ANKIB1: variants seen among roughly 807,000 people sequenced by gnomAD.
ANKIB1 encodes ankyrin repeat and IBR domain-containing protein 1.
ANKIB1 carries 43 observed loss-of-function variants against 122.1 expected under a neutral mutation model. The ratio of observed to expected loss-of-function variants is 0.35; its 90% CI spans 0.28 to 0.45. The LOEUF (loss-of-function observed/expected upper bound fraction) is 0.45. Among genes scored for constraint, ANKIB1 ranks in the 20% least tolerant of loss-of-function variants. ANKIB1 has a pLI of 1.00. For synonymous variants in ANKIB1, 390 were observed against 442.0 expected (o/e 0.88, Z 1.48); for missense variants, 992 against 1,329.5 (o/e 0.75, Z 3.95).
At chr7:92,361,936 A>G (rs1803957262) in intron 9 of ANKIB1, among the ~76,000 whole-genome samples, 1 of 151,862 alleles carries the variant, frequency 6.6e-6, no homozygotes, top group South Asian at 2.1e-4. Flanking sequence ...CAGCCTCCTG[A>G]GTAGCTGGGA....
intron 3 of ANKIB1, among the ~76,000 whole-genome samples, chr7:92,312,345 T>A (rs1221465532): frequency 6.6e-6 from 1 of 152,206 alleles, no homozygotes; most frequent in Non-Finnish European, 1.5e-5. Context: ...ATGATAAACA[T>A]TTGTTAAGGA....
At chr7:92,286,630 C>G (rs1182974332) in intron 1 of ANKIB1, among the ~76,000 whole-genome samples, 1 of 152,052 alleles carries the variant, frequency 6.6e-6, no homozygotes, top group Non-Finnish European at 1.5e-5. Flanking sequence ...CAGGCATGCA[C>G]CACCATGCCC....
At chr7:92,362,142 A>G in intron 9 of ANKIB1, 43 bp from the exon 10 acceptor site, 3 of 1,530,730 alleles carry the variant, frequency 2.0e-6, no homozygotes, top group Non-Finnish European at 1.8e-6. Context: ...GATGTTGATG[A>G]AGAATATTTT....
intron 5 of ANKIB1, among the ~76,000 whole-genome samples, chr7:92,328,302 C>G (rs1343636852): frequency 6.6e-6 from 1 of 152,114 alleles, no homozygotes; most frequent in East Asian, 1.9e-4. Flanking sequence ...AAGAATTGTG[C>G]TATTAGTATT....
intron 4 of ANKIB1, 161 bp downstream of exon 4, chr7:92,319,673 G>A: frequency 2.8e-6 from 2 of 719,806 alleles, no homozygotes; most frequent in South Asian, 2.2e-5. Flanking sequence ...ATACATCTAG[G>A]CCAACCACAG....
intron 4 of ANKIB1, chr7:92,326,124 G>T (rs758845278): frequency 2.9e-4 from 59 of 203,938 alleles, no homozygotes; most frequent in Non-Finnish European, 4.4e-4. Context: ...ATTCAGAGTG[G>T]ATATATGTTC....
chr7:92,320,908 C>T (rs1244626231), intron 4 of ANKIB1, among the ~76,000 whole-genome samples: 1 of 151,986 alleles, frequency 6.6e-6, no homozygotes, highest in African/African-American at 2.4e-5. Flanking sequence ...GTGATCTGAC[C>T]ACTACCTACC....
rs141067534 is a variant in ANKIB1, at chr7:92,260,181, A to G, written c.-91+13662A>G. ...CAGTGATCTTTAAGACCCTACCTACACAGTTGCCTGCCCCTATTCTCTTGA... is the reference window on the plus strand; with the variant it reads ...CAGTGATCTTTAAGACCCTACCTACGCAGTTGCCTGCCCCTATTCTCTTGA... On this transcript the variant is annotated intron_variant, in intron 1 of 19. Coordinates refer to ENST00000265742, the MANE Select transcript of ANKIB1 (RefSeq NM_019004.2). 3.9e-4 allele frequency among the ~76,000 whole-genome samples: 59 copies of G among 152,184 alleles called. No individual in the cohort carries two copies. The East Asian group carries it at 9.3e-3, about 24-fold the overall frequency.
chr7:92,343,726 C>T (rs1421275935), intron 6 of ANKIB1, among the ~76,000 whole-genome samples: 1 of 152,000 alleles, frequency 6.6e-6, no homozygotes, highest in Non-Finnish European at 1.5e-5. Context: ...TTGTGATGGG[C>T]ACTGTAAACC....
intron 9 of ANKIB1, among the ~76,000 whole-genome samples, chr7:92,360,912 T>C (rs1279080842): frequency 1.3e-5 from 2 of 152,094 alleles, no homozygotes; most frequent in South Asian, 4.1e-4. Context: ...TTGCCTAGGC[T>C]GGACTGCAGT....
chr7:92,371,711 C>T, intron 11 of ANKIB1, 104 bp downstream of exon 11: 1 of 1,311,204 alleles, frequency 7.6e-7, no homozygotes, highest in East Asian at 2.6e-5. Flanking sequence ...GGTGCAGTGG[C>T]TCTTGCCTAT....
chr7:92,398,071 C>A (rs1488211919), intron 19 of ANKIB1, 141 bp from the exon 20 acceptor site: 8 of 1,087,944 alleles, frequency 7.4e-6, no homozygotes, highest in East Asian at 2.9e-5. Flanking sequence ...GAGAAAAATA[C>A]AAGATTTTAG....
In ANKIB1 at chr7:92,387,978, GAAC is replaced by G. The variant is rs1238794889; in HGVS notation, c.1847_1849del (p.Gln616del). The G allele has an allele frequency of 6.3e-7, 1 of 1,587,076 alleles. No homozygotes were observed. The highest frequency in any genetic ancestry group is 8.6e-7 in the Non-Finnish European group (1 of 1,165,726). On this transcript the variant is annotated inframe_deletion, in exon 14 of 20. Coordinates refer to ENST00000265742, the MANE Select transcript of ANKIB1 (RefSeq NM_019004.2). ...TTCTTTATTTCTATTCCTTTAGCTAGAACAACGCCTTCTTAAAACAGCCAAAGA... is the reference window on the plus strand; with the variant it reads ...TTCTTTATTTCTATTCCTTTAGCTAGAACGCCTTCTTAAAACAGCCAAAGA...
At chr7:92,300,547 G>GT (rs890673745) in intron 2 of ANKIB1, among the ~76,000 whole-genome samples, 2 of 151,768 alleles carry the variant, frequency 1.3e-5, no homozygotes, top group African/African-American at 2.4e-5. Context: ...TCACAAATCA[G>GT]TTTTTTTCCA....
intron 17 of ANKIB1, chr7:92,396,141 C>T (rs1226510978): frequency 3.8e-6 from 2 of 520,002 alleles, no homozygotes; most frequent in Admixed American, 7.0e-5. Flanking sequence ...TGCAAGTATT[C>T]CTAATTTATC....
intron 1 of ANKIB1, among the ~76,000 whole-genome samples, chr7:92,269,148 G>A (rs1171019112): frequency 6.6e-6 from 1 of 152,082 alleles, no homozygotes; most frequent in Admixed American, 6.5e-5. Context: ...ACTTTCTCCT[G>A]AAATCTCTTT....
At chr7:92,371,434 C>T (rs1395037674) in intron 10 of ANKIB1, 43 bp from the exon 11 acceptor site, 8 of 1,559,654 alleles carry the variant, frequency 5.1e-6, no homozygotes, top group African/African-American at 1.4e-5. Context: ...AGAAGTTGTA[C>T]ACTAAATCAT....
Position 92,256,848 on chromosome 7 carries a change from G to C in ANKIB1, c.-91+10329G>C, listed in dbSNP as rs369425685. Among the ~76,000 whole-genome samples, 48 of 152,316 alleles carry C rather than the reference G, an allele frequency of 3.2e-4. 1 individual carries two copies. Among genetic ancestry groups the C allele is most frequent in the African/African-American group, 9.9e-4 (41 of 41,568 alleles). ...CTCTGGCTTTCTCCAGGTAGTCTCT[G>C]TTGGATGGAATATAACCAGAAAAAT... is the stretch of plus-strand genomic sequence containing the variant. On this transcript the variant is annotated intron_variant, in intron 1 of 19. Coordinates refer to ENST00000265742, the MANE Select transcript of ANKIB1 (RefSeq NM_019004.2).
chr7:92,247,490 A>G (rs1404782875), intron 1 of ANKIB1, among the ~76,000 whole-genome samples: 1 of 152,286 alleles, frequency 6.6e-6, no homozygotes, highest in Non-Finnish European at 1.5e-5. Flanking sequence ...TGTATCAGCC[A>G]CTCACAGATG....
Sources: gnomAD v4.1 joint callset for allele counts (sites outside exome capture counted in the v4.1 genomes callset) on GRCh38, gnomAD v4.1.1 for gene constraint, MANE v1.5 for transcripts, NCBI Gene and HGNC (gene_info 2026-07-23, HGNC 2026-07-21) for gene names.